Variants in CLEC5A observed in about 807,000 individuals in gnomAD.
The protein encoded by CLEC5A is C-type lectin domain family 5 member A.
A neutral mutation model predicts 24.4 loss-of-function variants in CLEC5A; 15 were observed. That is an observed-to-expected ratio of 0.62 (90% CI 0.41 to 0.95). The LOEUF is 0.95. CLEC5A is among the 40% of genes least tolerant of loss of function. The pLI is 0.00. For synonymous variants in CLEC5A, 71 were observed against 72.6 expected (o/e 0.98, Z 0.11); for missense variants, 211 against 224.0 (o/e 0.94, Z 0.37).
In CLEC5A at chr7:141,936,851, G is replaced by C. The variant is rs1397485448; in HGVS notation, c.209-901C>G. ...TAAAGAGTACTTTGTCTTGCATCTT[G>C]GATGCAAGCCACAGTAGAATAGGGC... On this transcript the variant is annotated intron_variant, in intron 4 of 6. Transcript: ENST00000546910. 2.0e-5 allele frequency among the ~76,000 whole-genome samples: 3 copies of C among 151,912 alleles called. No individual in the cohort carries two copies. The South Asian group carries it at 6.2e-4, about 32-fold the overall frequency.
intron 5 of CLEC5A, among the ~76,000 whole-genome samples, chr7:141,933,393 A>G (rs191354756): frequency 1.1e-3 from 166 of 151,858 alleles, no homozygotes; most frequent in African/African-American, 3.9e-3. Context: ...GAACTACGAG[A>G]TGCTCAGCGT....
At chr7:141,946,432 A>C in intron 1 of CLEC5A, 120 bp from the exon 2 acceptor site, 1 of 838,446 alleles carries the variant, frequency 1.2e-6, no homozygotes. Flanking sequence ...GACAGGCATG[A>C]CATTGACAGG....
At chr7:141,940,343 C>T (rs1802748667) in intron 4 of CLEC5A, among the ~76,000 whole-genome samples, 1 of 151,472 alleles carries the variant, frequency 6.6e-6, no homozygotes, top group African/African-American at 2.4e-5. Flanking sequence ...ACCAATCAGT[C>T]AATAAAGAAA....
At chr7:141,939,253 C>T (rs1306511303) in intron 4 of CLEC5A, among the ~76,000 whole-genome samples, 2 of 151,804 alleles carry the variant, frequency 1.3e-5, no homozygotes, top group African/African-American at 4.8e-5. Context: ...TAAATAGAAA[C>T]AATAAAAAGT....
chr7:141,940,673 C>A (rs1378224351), intron 4 of CLEC5A, among the ~76,000 whole-genome samples: 1 of 110,308 alleles, frequency 9.1e-6, no homozygotes, highest in Non-Finnish European at 1.9e-5. Context: ...AATCAATAAA[C>A]CTTTAGCCAG....
intron 5 of CLEC5A, 78 bp from the exon 6 acceptor site, chr7:141,931,904 T>A: frequency 1.5e-6 from 1 of 664,254 alleles, no homozygotes; most frequent in Non-Finnish European, 2.6e-6. Context: ...TGATTATATC[T>A]GATCCTGGGA....
At chr7:141,943,784 G>A (rs569615724) in intron 4 of CLEC5A, 112 bp downstream of exon 4, 1 of 751,580 alleles carries the variant, frequency 1.3e-6, no homozygotes, top group Non-Finnish European at 2.4e-6. Context: ...GGTCGTTATG[G>A]TCCCTTTGAG....
intron 6 of CLEC5A, 100 bp downstream of exon 6, chr7:141,931,620 G>A (rs554863198): frequency 1.1e-4 from 81 of 740,032 alleles, no homozygotes; most frequent in African/African-American, 1.1e-3. Context: ...ACAGAGTCAA[G>A]TGTCAGCGTT....
chr7:141,934,851 A>G (rs1802571944), intron 5 of CLEC5A, among the ~76,000 whole-genome samples: 1 of 151,866 alleles, frequency 6.6e-6, no homozygotes, highest in African/African-American at 2.4e-5. Context: ...GACCTTTTTC[A>G]TCACCAAGGA....
At position 141,931,844 on chromosome 7, in the gene CLEC5A, A is replaced by T. The variant is rs782127214; in HGVS notation, c.346-18T>A. 4.0e-5 allele frequency: 49 copies of T among 1,217,186 alleles called. No homozygotes were observed. Among genetic ancestry groups the T allele is most frequent in the South Asian group, 6.4e-5 (5 of 77,798 alleles). The allele number at this position is 1,217,186 out of a possible 1,614,324, so 75.4% of individuals were successfully genotyped here. The stretch of plus-strand genomic sequence containing the variant: ...AGAAACTTCTGGAAATAAAAAAAAA[A>T]TTTTACCAGTGAGTCTTTTAATGAT... On this transcript the variant is annotated intron_variant, in intron 5 of 6. Coordinates refer to ENST00000546910, the MANE Select transcript of CLEC5A (RefSeq NM_013252.3).
chr7:141,945,403 GA>G lies in CLEC5A; in HGVS notation c.80-4del, dbSNP rs1554442041. ...ACTTTTGTTAAAAATCTGTGGGACT[GA>G]AAAGAAAATCAGCTGTTGGCTCAGC... On this transcript the variant is annotated splice_polypyrimidine_tract_variant and splice_region_variant and intron_variant, in intron 2 of 6. Transcript: ENST00000546910. 1 of 1,610,974 alleles carries G rather than the reference GA, an allele frequency of 6.2e-7. No homozygotes were observed. Among genetic ancestry groups the G allele is most frequent in the Admixed American group, 1.7e-5 (1 of 59,962 alleles).
chr7:141,946,653 G>T (rs1043407542), intron 1 of CLEC5A, among the ~76,000 whole-genome samples, 154 bp downstream of exon 1: 3 of 152,180 alleles, frequency 2.0e-5, no homozygotes, highest in African/African-American at 7.2e-5. Context: ...TTGTTCCCAA[G>T]GACCTTAGTC....
chr7:141,937,919 C>T (rs995255405), intron 4 of CLEC5A, among the ~76,000 whole-genome samples: 4 of 152,204 alleles, frequency 2.6e-5, no homozygotes, highest in Non-Finnish European at 5.9e-5. Flanking sequence ...TTATCCAAGA[C>T]CAACCAGGTG....
chr7:141,941,991 T>C (rs1802806932), intron 4 of CLEC5A, among the ~76,000 whole-genome samples: 1 of 151,986 alleles, frequency 6.6e-6, no homozygotes, highest in Non-Finnish European at 1.5e-5. Flanking sequence ...ATTGTTAAAA[T>C]GTCCACTCTA....
intron 3 of CLEC5A, 50 bp from the exon 4 acceptor site, chr7:141,944,014 G>A (rs1378466875): frequency 2.3e-5 from 24 of 1,064,052 alleles, no homozygotes; most frequent in Non-Finnish European, 3.2e-5. Context: ...ATACAACACA[G>A]AAACAGAAAC....
At position 141,946,300 on chromosome 7, in the gene CLEC5A, G is replaced by T. The variant is rs1290860930; in HGVS notation, c.-8C>A. The T allele has an allele frequency of 6.4e-7, 1 of 1,562,076 alleles. No homozygotes were observed. The highest frequency in any genetic ancestry group is 8.7e-7 in the Non-Finnish European group (1 of 1,151,962). ...GATCATGTGCCAGTTCATGATGAAG[G>T]AGCTGCAGGGGCCTGTGAAGATTAG... On this transcript the variant is annotated 5_prime_UTR_variant, in exon 2 of 7. Coordinates refer to ENST00000546910, the MANE Select transcript of CLEC5A (RefSeq NM_013252.3).
At chr7:141,942,079 C>T (rs1563077000) in intron 4 of CLEC5A, among the ~76,000 whole-genome samples, 3 of 152,042 alleles carry the variant, frequency 2.0e-5, no homozygotes, top group Admixed American at 6.6e-5. Flanking sequence ...AAAAAATTAT[C>T]GTAAAATGTA....
At position 141,935,897 on chromosome 7, in the gene CLEC5A, A is replaced by T. The variant is rs782806201; in HGVS notation, c.262T>A (p.Ser88Thr). The T allele has an allele frequency of 4.5e-5, 73 of 1,613,054 alleles. No individual in the cohort carries two copies. In the Middle Eastern group the frequency reaches 3.5e-3, roughly 77 times the overall value. Residue 88 changes from serine to threonine, a missense_variant, in exon 5 of 7, where the codon TCT becomes ACT. Ser to Thr is a moderately conservative substitution (Grantham distance 58). Coordinates refer to ENST00000546910, the MANE Select transcript of CLEC5A (RefSeq NM_013252.3). Reference sequence around the variant, plus strand: ...CTGCTTTCATTCCAAGATGATTCAGAAGTGGATAAGAAAAAACATCTTGCT... The same window carrying T: ...CTGCTTTCATTCCAAGATGATTCAGTAGTGGATAAGAAAAAACATCTTGCT... Reference protein sequence around the residue: ...YQARCFFLSTSESSWNESRDF... With the variant: ...YQARCFFLSTTESSWNESRDF...
rs566727825 is a variant in CLEC5A at position 141,929,566 on chromosome 7, C to T, written c.*538G>A. 79 of 152,554 alleles carry T rather than the reference C, an allele frequency of 5.2e-4. No homozygotes were observed. The highest frequency in any genetic ancestry group is 9.7e-4 in the Non-Finnish European group (66 of 68,274). The allele number at this position is 152,554 out of a possible 1,614,324, so 9.5% of individuals were successfully genotyped here. A position where few individuals can be genotyped will look rare whatever the true frequency, so the allele number is the denominator to read the frequency against. ...CCATTCCCATAAACAATGCTGCTGTCCGTGCTGCTCCAAGCTCAGCACTAG... is the reference window on the plus strand; with the variant it reads ...CCATTCCCATAAACAATGCTGCTGTTCGTGCTGCTCCAAGCTCAGCACTAG... On this transcript the variant is annotated 3_prime_UTR_variant, in exon 7 of 7. Transcript: ENST00000546910.
Sources: gnomAD v4.1 joint callset for allele counts (sites outside exome capture counted in the v4.1 genomes callset) on GRCh38, gnomAD v4.1.1 for gene constraint, MANE v1.5 for transcripts, NCBI Gene and HGNC (gene_info 2026-07-23, HGNC 2026-07-21) for gene names.